The following EFCAB6 variants were observed in gnomAD, a reference collection of about 807,000 sequenced individuals.
The protein encoded by EFCAB6 is EF-hand calcium-binding domain-containing protein 6.
EFCAB6 carries 156 observed loss-of-function variants against 169.8 expected under a neutral mutation model. The observed-to-expected ratio is 0.92, with a 90% confidence interval of 0.81 to 1.05. EFCAB6 has a LOEUF of 1.05. EFCAB6 is among the 50% of genes least tolerant of loss of function. The probability of loss-of-function intolerance (pLI) is 0.00; values close to 1 mark genes in which losing one functional copy is unlikely to be tolerated. For missense variants in EFCAB6, 1,800 were observed against 1,829.1 expected, an observed-to-expected ratio of 0.98 and a Z score of 0.29; for synonymous variants, 698 against 676.4, an observed-to-expected ratio of 1.03 and a Z score of -0.50.
At position 43,580,611 on chromosome 22, in the gene EFCAB6, C is replaced by A; in HGVS notation, c.3081G>T (p.Leu1027=). The A allele has an allele frequency of 1.9e-6, 3 of 1,614,162 alleles. No homozygotes were observed. Among genetic ancestry groups the A allele is most frequent in the Non-Finnish European group, 2.5e-6 (3 of 1,180,022 alleles). Residue 1027 remains leucine (L), a synonymous_variant, in exon 25 of 32, where the codon CTG becomes CTT. Transcript: ENST00000262726. ...TTGACTTGCTGTTCTCCACTGCTCT[C>A]AGGAAGTCGAGGTAATTGATAGCAT... ...HDNAINYLDF[L]RAVENSKSTG...
At chr22:43,529,210 G>A (rs9614177) in intron 31 of EFCAB6, among the ~76,000 whole-genome samples, 97,712 of 152,146 alleles carry the variant, frequency 0.64, 33,633 homozygotes, top group African/African-American at 0.88. Context: ...ACAGGAGGTT[G>A]ATCACCTTTG....
At chr22:43,721,067 T>G (rs1229871309) in intron 8 of EFCAB6, among the ~76,000 whole-genome samples, 1 of 152,168 alleles carries the variant, frequency 6.6e-6, no homozygotes, top group Non-Finnish European at 1.5e-5. Context: ...TCAGTGGCAT[T>G]TCTATACATC....
At chr22:43,620,989 T>G (rs1427676269) in intron 20 of EFCAB6, among the ~76,000 whole-genome samples, 1 of 152,092 alleles carries the variant, frequency 6.6e-6, no homozygotes, top group Non-Finnish European at 1.5e-5. Flanking sequence ...AAAACAAACC[T>G]TAACTAATTG....
chr22:43,735,070 G>A lies in EFCAB6; in HGVS notation c.644+787C>T, dbSNP rs1260758076. Among the ~76,000 whole-genome samples the A allele has an allele frequency of 7.9e-5, 12 of 152,146 alleles. No homozygotes were observed. In the East Asian group the frequency reaches 1.7e-3, roughly 22 times the overall value. ...GGCACGAAGAGGGAATGGACCTCTC[G>A]GCTGGGTACTGTAGAAATTAAGCTA... is the stretch of plus-strand genomic sequence containing the variant. On this transcript the variant is annotated intron_variant, in intron 7 of 31. Coordinates refer to ENST00000262726, the MANE Select transcript of EFCAB6 (RefSeq NM_022785.4).
At chr22:43,691,157 T>G (rs1382277558) in intron 10 of EFCAB6, among the ~76,000 whole-genome samples, 3 of 152,164 alleles carry the variant, frequency 2.0e-5, no homozygotes, top group Non-Finnish European at 2.9e-5. Flanking sequence ...TCTAAACAAG[T>G]AGAACATGAC....
intron 17 of EFCAB6, among the ~76,000 whole-genome samples, chr22:43,656,420 A>C (rs34396590): frequency 8.5e-5 from 13 of 152,066 alleles, no homozygotes; most frequent in Non-Finnish European, 1.6e-4. Context: ...AAAATTAAAA[A>C]CAATGTGGTA....
chr22:43,681,964 G>T (rs2058022183), intron 12 of EFCAB6, among the ~76,000 whole-genome samples: 1 of 152,338 alleles, frequency 6.6e-6, no homozygotes, highest in African/African-American at 2.4e-5. Context: ...CAAATGGGAT[G>T]CATGCCTTGG....
chr22:43,687,417 T>C, intron 11 of EFCAB6, 54 bp downstream of exon 11: 1 of 1,046,784 alleles, frequency 9.6e-7, no homozygotes, highest in Non-Finnish European at 1.4e-6. Flanking sequence ...TCTGATATTT[T>C]ACATATTATG....
chr22:43,769,147 T>C lies in EFCAB6; in HGVS notation c.351+3745A>G, dbSNP rs571675353. 1.0e-3 allele frequency among the ~76,000 whole-genome samples: 157 copies of C among 152,278 alleles called. 1 individual carries two copies. The highest frequency in any genetic ancestry group is 3.6e-3 in the African/African-American group (149 of 41,560). On this transcript the variant is annotated intron_variant, in intron 4 of 31. Coordinates refer to ENST00000262726, the MANE Select transcript of EFCAB6 (RefSeq NM_022785.4). ...AACAAAATGTGGTCTATCCATACAA[T>C]GGACTATTACTCAGCCATAAAAAGG...
chr22:43,593,468 G>A (rs1390675813), intron 23 of EFCAB6, among the ~76,000 whole-genome samples: 2 of 152,116 alleles, frequency 1.3e-5, no homozygotes, highest in Non-Finnish European at 2.9e-5. Flanking sequence ...GACACGAGTG[G>A]GTAATGAGGC....
At chr22:43,664,088 C>T (rs2057132006) in intron 17 of EFCAB6, among the ~76,000 whole-genome samples, 1 of 152,270 alleles carries the variant, frequency 6.6e-6, no homozygotes, top group Non-Finnish European at 1.5e-5. Flanking sequence ...ATGCTGGTTG[C>T]CACCATGGAG....
At chr22:43,665,350 C>T (rs911397620) in intron 17 of EFCAB6, among the ~76,000 whole-genome samples, 1 of 152,182 alleles carries the variant, frequency 6.6e-6, no homozygotes, top group Non-Finnish European at 1.5e-5. Flanking sequence ...TAAGGAGCTG[C>T]TCTTGGACTC....
At chr22:43,800,759 A>G (rs1000957044) in intron 2 of EFCAB6, among the ~76,000 whole-genome samples, 1 of 152,210 alleles carries the variant, frequency 6.6e-6, no homozygotes, top group African/African-American at 2.4e-5. Flanking sequence ...ACTTGAAGAC[A>G]GACTATTTGA....
intron 27 of EFCAB6, among the ~76,000 whole-genome samples, chr22:43,548,930 A>T (rs2048233404): frequency 6.6e-6 from 1 of 152,202 alleles, no homozygotes; most frequent in South Asian, 2.1e-4. Context: ...TGTCATTCAG[A>T]TTATATTTTC....
rs776581117 is a variant in EFCAB6, at chr22:43,727,068, GA to G, written c.757+4630del. On this transcript the variant is annotated intron_variant, in intron 8 of 31. Coordinates refer to ENST00000262726, the MANE Select transcript of EFCAB6 (RefSeq NM_022785.4). ...CCCTTACTTCTTATGGTATAATGTT[GA>G]AAAAAAAGTTTTAAAACCCAAACCC... 2.0e-5 allele frequency among the ~76,000 whole-genome samples: 3 copies of G among 151,978 alleles called. No homozygotes were observed. The East Asian group carries it at 5.8e-4, about 29-fold the overall frequency.
At chr22:43,585,666 C>G (rs62226982) in intron 24 of EFCAB6, among the ~76,000 whole-genome samples, 9,661 of 152,020 alleles carry the variant, frequency 0.064, 373 homozygotes, top group Admixed American at 0.097. Flanking sequence ...TCAGAGAACA[C>G]CAAGCAGGAT....
intron 6 of EFCAB6, among the ~76,000 whole-genome samples, chr22:43,746,515 C>T (rs1379093808): frequency 6.6e-6 from 1 of 152,170 alleles, no homozygotes; most frequent in East Asian, 1.9e-4. Flanking sequence ...AAATGCTTAC[C>T]TGTAACGTAT....
chr22:43,757,403 C>T lies in EFCAB6; in HGVS notation c.441-1571G>A, dbSNP rs548045168. On this transcript the variant is annotated intron_variant, in intron 5 of 31. Coordinates refer to ENST00000262726, the MANE Select transcript of EFCAB6 (RefSeq NM_022785.4). ...TCTCTACTAAAAATACAGAATTAGC[C>T]GGGCGTGGTAGGGCATGCTTGTAAT... 9.9e-5 allele frequency among the ~76,000 whole-genome samples: 15 copies of T among 152,018 alleles called. No individual in the cohort carries two copies. The South Asian group carries it at 2.5e-3, about 25-fold the overall frequency.
intron 24 of EFCAB6, among the ~76,000 whole-genome samples, chr22:43,589,686 C>T (rs866676508): frequency 7.9e-5 from 12 of 152,086 alleles, no homozygotes; most frequent in African/African-American, 2.9e-4. Flanking sequence ...TACTTGGGAG[C>T]CTGAGGCACG....
Sources: gnomAD v4.1 joint callset for allele counts (sites outside exome capture counted in the v4.1 genomes callset) on GRCh38, gnomAD v4.1.1 for gene constraint, MANE v1.5 for transcripts, NCBI Gene and HGNC (gene_info 2026-07-23, HGNC 2026-07-21) for gene names.